Variants in ZNF655 observed in about 807,000 individuals in gnomAD.
ZNF655 encodes the protein zinc finger protein 655.
In ZNF655, 3 loss-of-function variants were observed where a neutral mutation model predicts 6.6. The observed-to-expected ratio is 0.46, with a 90% confidence interval of 0.21 to 1.18. The LOEUF (loss-of-function observed/expected upper bound fraction) is 1.18. ZNF655 is among the 50% of genes most tolerant of loss of function. The pLI is 0.24. For synonymous variants in ZNF655, 178 were observed against 195.0 expected, an observed-to-expected ratio of 0.91 and a Z score of 0.73; for missense variants, 526 against 572.3, an observed-to-expected ratio of 0.92 and a Z score of 0.83.
At chr7:99,563,429 C>T in intron 2 of ZNF655, among the ~76,000 whole-genome samples, 1 of 152,176 alleles carries the variant, frequency 6.6e-6, no homozygotes, top group South Asian at 2.1e-4. Flanking sequence ...AGCGATTCTC[C>T]TGCCTCAGCC....
intron 2 of ZNF655, among the ~76,000 whole-genome samples, chr7:99,565,310 A>C (rs1428199267): frequency 1.3e-5 from 2 of 152,086 alleles, no homozygotes; most frequent in Non-Finnish European, 2.9e-5. Context: ...CTGGGACTAC[A>C]GATGCTCGCC....
At chr7:99,560,069 A>G (rs570112035) in intron 1 of ZNF655, among the ~76,000 whole-genome samples, 33 of 147,904 alleles carry the variant, frequency 2.2e-4, no homozygotes, top group African/African-American at 8.2e-4. Context: ...GCATATCCAT[A>G]TTTCTTTTTC....
At chr7:99,565,711 G>A (rs886126557) in intron 2 of ZNF655, among the ~76,000 whole-genome samples, 1 of 152,192 alleles carries the variant, frequency 6.6e-6, no homozygotes, top group African/African-American at 2.4e-5. Context: ...GACCCATAAA[G>A]GGGACCGAGT....
intron 2 of ZNF655, among the ~76,000 whole-genome samples, chr7:99,565,505 G>A (rs1206783595): frequency 6.6e-6 from 1 of 152,146 alleles, no homozygotes; most frequent in Non-Finnish European, 1.5e-5. Flanking sequence ...TAGAACGTTG[G>A]TCCTTTGCTT....
chr7:99,573,526 C>T lies in ZNF655; in HGVS notation c.1418C>T (p.Ser473Phe), dbSNP rs1267200698. The T allele has an allele frequency of 3.1e-6, 5 of 1,610,302 alleles. No individual in the cohort carries two copies. Among genetic ancestry groups the T allele is most frequent in the South Asian group, 2.2e-5 (2 of 91,080 alleles). ...AFDCDVWEKN[S>F]SQRAHLVQHQ... ...GATTGTGATGTATGGGAAAAGAACT[C>T]CAGTCAGAGAGCACATCTAGTTCAA... The change falls in exon 3 of 3, where the codon TCC (serine) becomes TTC (phenylalanine). Residue 473 changes from serine (S) to phenylalanine (F), a missense_variant. Transcript: ENST00000252713.
In ZNF655 at chr7:99,560,814, G is replaced by A. The variant is rs1350715852; in HGVS notation, c.136+119G>A. 8 of 1,333,482 alleles carry A rather than the reference G, an allele frequency of 6.0e-6. No individual in the cohort carries two copies. In the East Asian group the frequency reaches 1.2e-4, roughly 20 times the overall value. 82.6% of individuals were successfully genotyped at this position (1,333,482 alleles called of 1,614,324 possible). On this transcript the variant is annotated intron_variant, in intron 2 of 2. Coordinates refer to ENST00000252713, the MANE Select transcript of ZNF655 (RefSeq NM_138494.3). The stretch of plus-strand genomic sequence containing the variant: ...TGGAATAAGAACATGGTCCCTAGAG[G>A]GAGGAATGAAAGAGGGGGCAGATGT...
intron 2 of ZNF655, chr7:99,563,880 C>A (rs1292982322): frequency 1.3e-6 from 2 of 1,597,576 alleles, no homozygotes; most frequent in Non-Finnish European, 8.6e-7. Context: ...TCTCCGCCTT[C>A]CCACCACCCG....
chr7:99,563,982 T>TC (rs1488315496), intron 2 of ZNF655: 7 of 1,614,002 alleles, frequency 4.3e-6, no homozygotes, highest in South Asian at 1.1e-5. Context: ...AGCAGGAATC[T>TC]CCAAGAGATG....
Position 99,562,497 on chromosome 7 carries a change from A to G in ZNF655, c.136+1802A>G, listed in dbSNP as rs201874104. On this transcript the variant is annotated intron_variant, in intron 2 of 2. Transcript: ENST00000252713. ...TTATGGGAACGTGGTCTCACTGGGT[A>G]AGGACTTCCTTATTATTCGGTTTAT... 8.1e-6 allele frequency: 13 copies of G among 1,608,100 alleles called. No individual in the cohort carries two copies. The East Asian group carries it at 2.5e-4, about 30-fold the overall frequency.
In ZNF655 at chr7:99,568,191, T is replaced by G. The variant is rs569322131; in HGVS notation, c.137-4054T>G. On this transcript the variant is annotated intron_variant, in intron 2 of 2. Coordinates refer to ENST00000252713, the MANE Select transcript of ZNF655 (RefSeq NM_138494.3). Reference sequence around the variant, plus strand: ...TACAAATAAAAATTTCAGGAGTGTGTTCAAATTATTTATTTATAGTGGAGT... The same window carrying G: ...TACAAATAAAAATTTCAGGAGTGTGGTCAAATTATTTATTTATAGTGGAGT... Among the ~76,000 whole-genome samples the G allele has an allele frequency of 8.5e-5, 13 of 152,204 alleles. No individual in the cohort carries two copies. In the South Asian group the frequency reaches 2.7e-3, roughly 32 times the overall value.
chr7:99,569,663 A>G (rs1803889312), intron 2 of ZNF655, among the ~76,000 whole-genome samples: 1 of 152,218 alleles, frequency 6.6e-6, no homozygotes, highest in African/African-American at 2.4e-5. Flanking sequence ...GTGAAAACCT[A>G]GAGAGCTCTT....
At chr7:99,570,123 A>G (rs545293424) in intron 2 of ZNF655, 2 of 152,180 alleles carry the variant, frequency 1.3e-5, no homozygotes, top group Non-Finnish European at 2.9e-5. Flanking sequence ...TTTGTTGTGC[A>G]TATGTGTTTT....
rs375051696 is a variant in ZNF655, at chr7:99,562,455, G to C, written c.136+1760G>C. On this transcript the variant is annotated intron_variant, in intron 2 of 2. Coordinates refer to ENST00000252713, the MANE Select transcript of ZNF655 (RefSeq NM_138494.3). The stretch of plus-strand genomic sequence containing the variant: ...CCCTGTTCAGAGGGACCTCTACAGA[G>C]AAGTGATGTTAGAGAATTATGGGAA... The C allele has an allele frequency of 8.1e-6, 13 of 1,614,160 alleles. No homozygotes were observed. In the African/African-American group the frequency reaches 1.5e-4, roughly 18 times the overall value.
intron 2 of ZNF655, among the ~76,000 whole-genome samples, chr7:99,571,972 C>G (rs1185335429): frequency 2.6e-5 from 4 of 152,152 alleles, no homozygotes; most frequent in Non-Finnish European, 5.9e-5. Context: ...GTGCACATGT[C>G]GTACTAGACC....
At chr7:99,563,162 A>T (rs1486637778) in intron 2 of ZNF655, 2 of 453,762 alleles carry the variant, frequency 4.4e-6, no homozygotes, top group South Asian at 1.6e-5. Context: ...TGCTTAACTC[A>T]TGTCTCTCCC....
At chr7:99,568,817 C>T (rs557677325) in intron 2 of ZNF655, among the ~76,000 whole-genome samples, 1 of 151,480 alleles carries the variant, frequency 6.6e-6, no homozygotes, top group South Asian at 2.1e-4. Context: ...GACAGGATCT[C>T]ACTCTCACCC....
intron 2 of ZNF655, chr7:99,563,868 C>A (rs182669800): frequency 6.2e-7 from 1 of 1,610,476 alleles, no homozygotes; most frequent in Non-Finnish European, 8.5e-7. Flanking sequence ...TGTAGGCATA[C>A]TTCTCCGCCT....
At chr7:99,570,249 A>G (rs1803940148) in intron 2 of ZNF655, 1 of 152,240 alleles carries the variant, frequency 6.6e-6, no homozygotes, top group South Asian at 2.1e-4. Flanking sequence ...TCTGAGAACA[A>G]TATTGATTGC....
In ZNF655 at chr7:99,572,607, A is replaced by G; in HGVS notation, c.499A>G (p.Asn167Asp). Reference sequence around the variant, plus strand: ...CAATGATAAGTATGACATGAGCTTCAACCAGAATTCAGCCTCTGGTAAACA... The same window carrying G: ...CAATGATAAGTATGACATGAGCTTCGACCAGAATTCAGCCTCTGGTAAACA... The part of the protein sequence containing the change: ...DDNDKYDMSF[N>D]QNSASGKHEH... Residue 167 changes from asparagine (N) to aspartate (D), a missense_variant, in exon 3 of 3, where the codon AAC (asparagine) becomes GAC (aspartate). Physicochemically the swap from Asn to Asp is conservative, Grantham distance 23. Transcript: ENST00000252713. 1 of 1,613,702 alleles carries G rather than the reference A, an allele frequency of 6.2e-7. No homozygotes were observed. The highest frequency in any genetic ancestry group is 8.5e-7 in the Non-Finnish European group (1 of 1,179,870).
Sources: allele counts gnomAD v4.1 joint callset (sites outside exome capture counted in the v4.1 genomes callset), GRCh38; gene constraint gnomAD v4.1.1; transcripts MANE v1.5; gene names NCBI Gene and HGNC (gene_info 2026-07-23, HGNC 2026-07-21).